The following ZKSCAN1 variants were observed in gnomAD, a reference collection of about 807,000 sequenced individuals.
ZKSCAN1 encodes the protein zinc finger with KRAB and SCAN domains 1, also known as zinc finger protein with KRAB and SCAN domains 1.
ZKSCAN1 carries 14 observed loss-of-function variants against 51.6 expected under a neutral mutation model. The observed-to-expected ratio is 0.27, with a 90% CI of 0.18 to 0.42. ZKSCAN1 has a LOEUF of 0.42. Among genes scored for constraint, ZKSCAN1 ranks in the 10% least tolerant of loss-of-function variants. The pLI is 1.00. For missense variants in ZKSCAN1, 531 were observed against 710.0 expected (o/e 0.75, Z 2.86); for synonymous variants, 263 against 261.5 (o/e 1.01, Z -0.06).
downstream of ZKSCAN1, among the ~76,000 whole-genome samples, chr7:100,042,366 T>A (rs1003175974): frequency 6.6e-6 from 1 of 151,076 alleles, no homozygotes; most frequent in Non-Finnish European, 1.5e-5. Context: ...TGAGGTTGTG[T>A]CCAGGAGGCA....
chr7:100,026,174 C>T (rs552673406), intron 3 of ZKSCAN1, among the ~76,000 whole-genome samples: 5 of 142,674 alleles, frequency 3.5e-5, no homozygotes, highest in East Asian at 2.1e-4. Flanking sequence ...GAGCCAAAAT[C>T]GCACCATTGT....
At position 100,015,643 on chromosome 7, in the gene ZKSCAN1, GT is replaced by G. The variant is rs1014285913; in HGVS notation, c.-171del. 1 of 152,306 alleles carries G rather than the reference GT, an allele frequency of 6.6e-6. No homozygotes were observed. The highest frequency in any genetic ancestry group is 1.5e-5 in the Non-Finnish European group (1 of 68,114). The allele number at this position is 152,306 out of a possible 1,614,324, so 9.4% of individuals were successfully genotyped here. Reference sequence around the variant, plus strand: ...AGGCGTCGGGAGGGCCTAAGTCCGTGTGCGGTGCCCTTCGGCCGGCCTGAGC... The same window carrying G: ...AGGCGTCGGGAGGGCCTAAGTCCGTGGCGGTGCCCTTCGGCCGGCCTGAGC... On this transcript the variant is annotated 5_prime_UTR_variant, in exon 1 of 6. Coordinates refer to ENST00000324306, the MANE Select transcript of ZKSCAN1 (RefSeq NM_003439.4).
rs531771912 is a variant in ZKSCAN1, at chr7:100,037,215, C to T, written c.*3018C>T. 1 of 985,434 alleles carries T rather than the reference C, an allele frequency of 1.0e-6. No homozygotes were observed. Among genetic ancestry groups the T allele is most frequent in the Admixed American group, 6.1e-5 (1 of 16,280 alleles). The allele number at this position is 985,434 out of a possible 1,614,324, so 61.0% of individuals were successfully genotyped here. A position where few individuals can be genotyped will look rare whatever the true frequency, so the allele number is the denominator to read the frequency against. ...TTCTTGGCCCGCTGAAGTCTGTTAA[C>T]AGTTGAAACATTCTACAGTTAACCA... On this transcript the variant is annotated 3_prime_UTR_variant, in exon 6 of 6. Transcript: ENST00000324306.
downstream of ZKSCAN1, among the ~76,000 whole-genome samples, chr7:100,041,982 C>T (rs1196241385): frequency 6.6e-6 from 1 of 152,030 alleles, no homozygotes; most frequent in Non-Finnish European, 1.5e-5. Flanking sequence ...CTCATTATAC[C>T]CTCTCCCCAT....
Position 100,041,427 on chromosome 7 carries a change from A to C in ZKSCAN1, c.*7230A>C. The C allele has an allele frequency of 1.0e-6, 1 of 985,424 alleles. No homozygotes were observed. The highest frequency in any genetic ancestry group is 4.7e-5 in the South Asian group (1 of 21,284). The allele number at this position is 985,424 out of a possible 1,614,324, so 61.0% of individuals were successfully genotyped here. A position where few individuals can be genotyped will look rare whatever the true frequency, so the allele number is the denominator to read the frequency against. ...CTTAGAGGAAAAGTGGTTTTTTAAA[A>C]GCTAGGGAACTCCTCCACTAAAAGT... On this transcript the variant is annotated 3_prime_UTR_variant, in exon 6 of 6. Coordinates refer to ENST00000324306, the MANE Select transcript of ZKSCAN1 (RefSeq NM_003439.4).
chr7:100,040,839 C>T lies in ZKSCAN1; in HGVS notation c.*6642C>T. 4.1e-6 allele frequency: 4 copies of T among 985,292 alleles called. No individual in the cohort carries two copies. The highest frequency in any genetic ancestry group is 4.8e-6 in the Non-Finnish European group (4 of 829,912). 61.0% of individuals were successfully genotyped at this position (985,292 alleles called of 1,614,324 possible). A position where few individuals can be genotyped will look rare whatever the true frequency, so the allele number is the denominator to read the frequency against. On this transcript the variant is annotated 3_prime_UTR_variant, in exon 6 of 6. Transcript: ENST00000324306. ...AGCTTTTAGCCTGCCCTAGCAAGGA[C>T]AAAGCATGTTAGATTAGAGATGCTT... is the stretch of plus-strand genomic sequence containing the variant.
rs1791548618 is a variant in ZKSCAN1, at chr7:100,040,486, G to A, written c.*6289G>A. On this transcript the variant is annotated 3_prime_UTR_variant, in exon 6 of 6. Transcript: ENST00000324306. ...GAGGCTGAGTATTTTAAGATAGAGT[G>A]AGATCTGTGAGTGATTGAAAGGTGA... The A allele has an allele frequency of 2.0e-6, 2 of 985,328 alleles. No individual in the cohort carries two copies. The highest frequency in any genetic ancestry group is 3.5e-5 in the African/African-American group (2 of 57,242). The allele number at this position is 985,328 out of a possible 1,614,324, so 61.0% of individuals were successfully genotyped here.
rs972602745 is a variant in ZKSCAN1 at position 100,038,658 on chromosome 7, G to A, written c.*4461G>A. The A allele has an allele frequency of 1.9e-5, 19 of 985,306 alleles. No homozygotes were observed. The highest frequency in any genetic ancestry group is 1.9e-5 in the Non-Finnish European group (16 of 829,948). 61.0% of individuals were successfully genotyped at this position (985,306 alleles called of 1,614,324 possible). On this transcript the variant is annotated 3_prime_UTR_variant, in exon 6 of 6. Transcript: ENST00000324306. ...TCAGCTGACCAGGTTCTTTTAAACCGTAGTCATGCTTTCCCACTAACTCTT... is the reference window on the plus strand; with the variant it reads ...TCAGCTGACCAGGTTCTTTTAAACCATAGTCATGCTTTCCCACTAACTCTT...
In ZKSCAN1 at chr7:100,020,463, A is replaced by G. The variant is rs140094998; in HGVS notation, c.-88-2956A>G. On this transcript the variant is annotated intron_variant, in intron 1 of 5. Transcript: ENST00000324306. Reference sequence around the variant, plus strand: ...TGGATTGTGGGAGAGAAGGGAGAAAATGAAGGCAGGGAACCAAAGAAAGGA... The same window carrying G: ...TGGATTGTGGGAGAGAAGGGAGAAAGTGAAGGCAGGGAACCAAAGAAAGGA... Among the ~76,000 whole-genome samples the G allele has an allele frequency of 4.6e-4, 70 of 152,216 alleles. No homozygotes were observed. The East Asian group carries it at 0.013, about 29-fold the overall frequency.
chr7:100,027,484 C>G (rs896577955), intron 3 of ZKSCAN1, among the ~76,000 whole-genome samples: 2 of 151,140 alleles, frequency 1.3e-5, no homozygotes, highest in African/African-American at 4.9e-5. Flanking sequence ...GGCGTGGTGG[C>G]TCACGCCTGT....
At position 100,034,633 on chromosome 7, in the gene ZKSCAN1, T is replaced by C; in HGVS notation, c.*436T>C. On this transcript the variant is annotated 3_prime_UTR_variant, in exon 6 of 6. Transcript: ENST00000324306. ...CTTTGGCCAACATCCTGCTTATTTC[T>C]CAAAAAAGAGGGACAGTGAAAACAA... 1.1e-6 allele frequency: 1 copy of C among 875,632 alleles called. No homozygotes were observed. The allele number at this position is 875,632 out of a possible 1,614,324, so 54.2% of individuals were successfully genotyped here. A position where few individuals can be genotyped will look rare whatever the true frequency, so the allele number is the denominator to read the frequency against.
rs999994112 is a variant in ZKSCAN1, at chr7:100,040,723, G to C, written c.*6526G>C. On this transcript the variant is annotated 3_prime_UTR_variant, in exon 6 of 6. Transcript: ENST00000324306. ...GAGTAATTAGGAGGCCTGAGGAGGG[G>C]CCGAGGAAAGGCTGTTGGGGTGTGC... 2 of 985,356 alleles carry C rather than the reference G, an allele frequency of 2.0e-6. No individual in the cohort carries two copies. Among genetic ancestry groups the C allele is most frequent in the South Asian group, 9.4e-5 (2 of 21,294 alleles). 61.0% of individuals were successfully genotyped at this position (985,356 alleles called of 1,614,324 possible).
At chr7:100,028,133 TC>T (rs1790923542) in intron 3 of ZKSCAN1, among the ~76,000 whole-genome samples, 1 of 152,068 alleles carries the variant, frequency 6.6e-6, no homozygotes, top group Non-Finnish European at 1.5e-5. Context: ...GGTGGCCAGA[TC>T]ATAAGGTCAA....
chr7:100,027,098 A>G (rs1199985936), intron 3 of ZKSCAN1, among the ~76,000 whole-genome samples: 2 of 152,152 alleles, frequency 1.3e-5, no homozygotes. Flanking sequence ...GGAGTTCAAG[A>G]CCAGCCTGGC....
rs1310255776 is a variant in ZKSCAN1 at position 100,036,227 on chromosome 7, A to G, written c.*2030A>G. ...CAGTTTCATCAGCATTACTTGGGAA[A>G]ACGTGTTGCAAGTCAACCAGTCACT... On this transcript the variant is annotated 3_prime_UTR_variant, in exon 6 of 6. Coordinates refer to ENST00000324306, the MANE Select transcript of ZKSCAN1 (RefSeq NM_003439.4). The G allele has an allele frequency of 1.2e-5, 12 of 985,288 alleles. No homozygotes were observed. The African/African-American group carries it at 1.9e-4, about 16-fold the overall frequency. 61.0% of individuals were successfully genotyped at this position (985,288 alleles called of 1,614,324 possible). A position where few individuals can be genotyped will look rare whatever the true frequency, so the allele number is the denominator to read the frequency against.
Position 100,029,812 on chromosome 7 carries a change from A to C in ZKSCAN1, c.581-49A>C, listed in dbSNP as rs1173612344. 7.0e-6 allele frequency: 11 copies of C among 1,566,390 alleles called. No individual in the cohort carries two copies. The African/African-American group carries it at 1.5e-4, about 21-fold the overall frequency. On this transcript the variant is annotated intron_variant, in intron 3 of 5. Transcript: ENST00000324306. ...CATGCCCCGAGCCCTTCTTTGAGCA[A>C]GGCTCAGAGCGGAGCTGATTTACTC... is the stretch of plus-strand genomic sequence containing the variant.
rs1347413607 is a variant in ZKSCAN1 at position 100,037,667 on chromosome 7, AAATG to A, written c.*3474_*3477del. The stretch of plus-strand genomic sequence containing the variant: ...TATAGCACTCATTGCTTCAGACAGA[AAATG>A]AATTCCGTCGGTATGTTCCAATCGT... On this transcript the variant is annotated 3_prime_UTR_variant, in exon 6 of 6. Transcript: ENST00000324306. 6.1e-6 allele frequency: 6 copies of A among 985,382 alleles called. No homozygotes were observed. The African/African-American group carries it at 1.0e-4, about 17-fold the overall frequency. The allele number at this position is 985,382 out of a possible 1,614,324, so 61.0% of individuals were successfully genotyped here.
In ZKSCAN1 at chr7:100,023,626, G is replaced by A. The variant is rs778875207; in HGVS notation, c.120G>A (p.Gln40=). ...EEDEEDHMWG[Q]DSTLQDTPPP... ...ATGAGGAAGACCACATGTGGGGGCAGGATTCCACCCTACAGGACACGCCTC... is the reference window on the plus strand; with the variant it reads ...ATGAGGAAGACCACATGTGGGGGCAAGATTCCACCCTACAGGACACGCCTC... Residue 40 remains glutamine (Q), a synonymous_variant, in exon 2 of 6, where the codon CAG becomes CAA. Coordinates refer to ENST00000324306, the MANE Select transcript of ZKSCAN1 (RefSeq NM_003439.4). The A allele has an allele frequency of 6.2e-7, 1 of 1,614,054 alleles. No individual in the cohort carries two copies. The highest frequency in any genetic ancestry group is 1.7e-5 in the Admixed American group (1 of 60,018).
Position 100,041,150 on chromosome 7 carries a change from C to A in ZKSCAN1, c.*6953C>A. Reference sequence around the variant, plus strand: ...TATTTGTAGACTGGATTAAAAACAACCTGTCCTGTTTTGTCAGTTCCCAGC... The same window carrying A: ...TATTTGTAGACTGGATTAAAAACAAACTGTCCTGTTTTGTCAGTTCCCAGC... On this transcript the variant is annotated 3_prime_UTR_variant, in exon 6 of 6. Coordinates refer to ENST00000324306, the MANE Select transcript of ZKSCAN1 (RefSeq NM_003439.4). 1.3e-6 allele frequency: 1 copy of A among 751,396 alleles called. No homozygotes were observed. Among genetic ancestry groups the A allele is most frequent in the Non-Finnish European group, 1.6e-6 (1 of 616,442 alleles). 46.5% of individuals were successfully genotyped at this position (751,396 alleles called of 1,614,324 possible).
Sources: allele counts gnomAD v4.1 joint callset (sites outside exome capture counted in the v4.1 genomes callset), GRCh38; gene constraint gnomAD v4.1.1; transcripts MANE v1.5; gene names NCBI Gene and HGNC (gene_info 2026-07-23, HGNC 2026-07-21).